TMEM260: variants seen among roughly 807,000 people sequenced by gnomAD.
TMEM260 encodes the protein protein O-mannosyl-transferase TMEM260.
TMEM260 carries 82 observed loss-of-function variants against 88.9 expected under a neutral mutation model. The observed-to-expected ratio is 0.92, with a 90% CI of 0.77 to 1.11. The LOEUF is 1.11. Ranked by LOEUF, TMEM260 falls within the 50% of genes least tolerant of loss-of-function variation. The probability of loss-of-function intolerance (pLI) is 0.00; values close to 1 mark genes in which losing one functional copy is unlikely to be tolerated. For synonymous variants in TMEM260, 314 were observed against 309.3 expected, an observed-to-expected ratio of 1.02 and a Z score of -0.16; for missense variants, 902 against 853.4, an observed-to-expected ratio of 1.06 and a Z score of -0.71.
chr14:56,633,199 A>AT (rs1566568594), intron 13 of TMEM260, 28 bp downstream of exon 13: 1 of 1,562,428 alleles, frequency 6.4e-7, no homozygotes, highest in East Asian at 2.3e-5. Flanking sequence ...ATTTTGATGC[A>AT]TATAAACATA....
chr14:56,624,839 G>A (rs1301881995), intron 11 of TMEM260, among the ~76,000 whole-genome samples: 1 of 151,752 alleles, frequency 6.6e-6, no homozygotes, highest in Admixed American at 6.6e-5. Context: ...TTTACACCAG[G>A]GACCGGTTTT....
chr14:56,612,385 T>A (rs1390324542), intron 7 of TMEM260, 100 bp downstream of exon 7: 1 of 1,051,340 alleles, frequency 9.5e-7, no homozygotes, highest in Non-Finnish European at 1.5e-6. Flanking sequence ...TAACAAAGTA[T>A]GTCTGAGAAG....
chr14:56,647,287 T>C lies in TMEM260; in HGVS notation c.1914T>C (p.Asn638=), dbSNP rs924791641. 29 of 1,614,098 alleles carry C rather than the reference T, an allele frequency of 1.8e-5. No homozygotes were observed. Among genetic ancestry groups the C allele is most frequent in the Non-Finnish European group, 2.4e-5 (28 of 1,179,990 alleles). Residue 638 remains asparagine, a synonymous_variant, in exon 16 of 16, where the codon AAT becomes AAC. Coordinates refer to ENST00000261556, the MANE Select transcript of TMEM260 (RefSeq NM_017799.4). ...IVYLQKEHPV[N]WHKNYAIACE... The stretch of plus-strand genomic sequence containing the variant: ...ATTTACAAAAGGAGCACCCAGTGAA[T>C]TGGCACAAGAACTATGCCATCGCCT...
intron 3 of TMEM260, among the ~76,000 whole-genome samples, chr14:56,591,126 T>C (rs947226354): frequency 1.3e-5 from 2 of 152,350 alleles, no homozygotes; most frequent in East Asian, 1.9e-4. Flanking sequence ...TTAAAAAACA[T>C]TTAAATTGCT....
At chr14:56,601,568 A>G (rs1886577826) in intron 3 of TMEM260, among the ~76,000 whole-genome samples, 1 of 152,172 alleles carries the variant, frequency 6.6e-6, no homozygotes, top group Non-Finnish European at 1.5e-5. Flanking sequence ...CTGTTACTCC[A>G]AAACTTTTAC....
chr14:56,659,207 C>A, the TMEM260 span, among the ~76,000 whole-genome samples: 1 of 148,386 alleles, frequency 6.7e-6, no homozygotes, highest in Admixed American at 6.7e-5. Flanking sequence ...TGCAACTTTT[C>A]TGTAATTCTA....
chr14:56,590,832 G>T (rs758155229), intron 3 of TMEM260, among the ~76,000 whole-genome samples: 2 of 152,236 alleles, frequency 1.3e-5, no homozygotes, highest in Non-Finnish European at 2.9e-5. Flanking sequence ...TTGCCATGGA[G>T]CTTGGAGCTG....
At chr14:56,640,755 A>T (rs958393786) in intron 15 of TMEM260, among the ~76,000 whole-genome samples, 5 of 152,204 alleles carry the variant, frequency 3.3e-5, no homozygotes, top group Admixed American at 2.6e-4. Context: ...AAAAAAATTA[A>T]TTAGACAAAT....
At chr14:56,611,279 T>C (rs962333223) in intron 6 of TMEM260, among the ~76,000 whole-genome samples, 1 of 152,190 alleles carries the variant, frequency 6.6e-6, no homozygotes, top group South Asian at 2.1e-4. Context: ...CAATTATTAC[T>C]TCTAAAATTC....
At chr14:56,607,818 C>T (rs1012896753) in intron 5 of TMEM260, among the ~76,000 whole-genome samples, 4 of 152,054 alleles carry the variant, frequency 2.6e-5, no homozygotes, top group Admixed American at 6.5e-5. Flanking sequence ...TTAAGAAGCT[C>T]CCCAGGTGAT....
intron 14 of TMEM260, among the ~76,000 whole-genome samples, chr14:56,635,844 AAT>A (rs3067786): frequency 0.11 from 16,247 of 150,880 alleles, 1,456 homozygotes; most frequent in African/African-American, 0.24. Flanking sequence ...AATGATTGCA[AAT>A]ATATATATAT....
At position 56,648,368 on chromosome 14, in the gene TMEM260, C is replaced by A. The variant is rs1399466243; in HGVS notation, c.*871C>A. On this transcript the variant is annotated 3_prime_UTR_variant, in exon 16 of 16. Transcript: ENST00000261556. ...ATAGTAAGAAATGCAAATAATAGTT[C>A]TTTATTTTATTATGACAGTTAATTA... The A allele has an allele frequency of 6.6e-6, 1 of 152,538 alleles. No homozygotes were observed. The highest frequency in any genetic ancestry group is 2.4e-5 in the African/African-American group (1 of 41,432). The allele number at this position is 152,538 out of a possible 1,614,324, so 9.4% of individuals were successfully genotyped here.
At chr14:56,656,419 CAAATAAAT>C in the TMEM260 span, among the ~76,000 whole-genome samples, 2 of 151,664 alleles carry the variant, frequency 1.3e-5, no homozygotes, top group Admixed American at 6.6e-5. Flanking sequence ...GACCTTATCT[CAAATAAAT>C]AAATAAATAA....
chr14:56,614,465 A>G (rs901762383), intron 7 of TMEM260, among the ~76,000 whole-genome samples: 9 of 152,156 alleles, frequency 5.9e-5, no homozygotes, highest in African/African-American at 2.2e-4. Flanking sequence ...ATGCAGAAGG[A>G]CTCACTGCCT....
At chr14:56,654,078 G>A (rs1374326119), downstream of TMEM260, among the ~76,000 whole-genome samples, 1 of 152,152 alleles carries the variant, frequency 6.6e-6, no homozygotes, top group Non-Finnish European at 1.5e-5. Context: ...CTATGTTGCA[G>A]GAAATTAAAA....
chr14:56,645,856 A>G (rs948515914), intron 15 of TMEM260, among the ~76,000 whole-genome samples: 2 of 152,242 alleles, frequency 1.3e-5, no homozygotes, highest in African/African-American at 4.8e-5. Context: ...AAAAGGGTAA[A>G]GCAACTTTGA....
At chr14:56,615,783 A>AACTTTTTC in intron 7 of TMEM260, 161 bp from the exon 8 acceptor site, 1 of 582,790 alleles carries the variant, frequency 1.7e-6, no homozygotes. Flanking sequence ...AAGTCTTTCT[A>AACTTTTTC]TTGCACTTTT....
At chr14:56,641,697 T>C (rs1414313035) in intron 15 of TMEM260, among the ~76,000 whole-genome samples, 1 of 152,026 alleles carries the variant, frequency 6.6e-6, no homozygotes, top group Non-Finnish European at 1.5e-5. Context: ...GGCTAAATGC[T>C]CCAATTAAAA....
chr14:56,618,125 C>T (rs1357018628), intron 9 of TMEM260, among the ~76,000 whole-genome samples: 2 of 152,034 alleles, frequency 1.3e-5, no homozygotes, highest in Non-Finnish European at 2.9e-5. Context: ...AGCTCACTTC[C>T]AGGAGAAAGT....
Sources: allele counts gnomAD v4.1 joint callset (sites outside exome capture counted in the v4.1 genomes callset), GRCh38; gene constraint gnomAD v4.1.1; transcripts MANE v1.5; gene names NCBI Gene and HGNC (gene_info 2026-07-23, HGNC 2026-07-21).